The following OPCML variants were observed in gnomAD, a reference collection of about 807,000 sequenced individuals.
The protein encoded by OPCML is opioid binding protein/cell adhesion molecule like.
In OPCML, 13 loss-of-function variants were observed where a neutral mutation model predicts 37.8. The observed-to-expected ratio is 0.34, with a 90% CI of 0.22 to 0.55. The LOEUF (loss-of-function observed/expected upper bound fraction) is 0.55. Ranked by LOEUF, OPCML falls within the 20% of genes least tolerant of loss-of-function variation. OPCML has a pLI of 0.91. For synonymous variants in OPCML, 176 were observed against 168.8 expected (o/e 1.04, Z -0.33); for missense variants, 341 against 435.6 (o/e 0.78, Z 1.93).
chr11:133,191,082 G>T (rs916611446), intron 1 of OPCML, among the ~76,000 whole-genome samples: 2 of 151,794 alleles, frequency 1.3e-5, no homozygotes, highest in African/African-American at 4.8e-5. Flanking sequence ...GAAAACGGCT[G>T]TACCATTTTT....
intron 2 of OPCML, among the ~76,000 whole-genome samples, chr11:132,730,728 C>T (rs1381864970): frequency 6.6e-6 from 1 of 152,060 alleles, no homozygotes; most frequent in Non-Finnish European, 1.5e-5. Flanking sequence ...CAAACTAAGA[C>T]AGGCACAAGG....
intron 1 of OPCML, among the ~76,000 whole-genome samples, chr11:133,130,692 A>G (rs1055060211): frequency 2.6e-5 from 4 of 152,232 alleles, no homozygotes; most frequent in Admixed American, 6.5e-5. Flanking sequence ...TTCAAGACAT[A>G]CAAAGCTACA....
intron 2 of OPCML, among the ~76,000 whole-genome samples, chr11:132,747,404 G>A (rs1008433441): frequency 2.6e-5 from 4 of 152,172 alleles, no homozygotes; most frequent in Non-Finnish European, 4.4e-5. Context: ...GGAAACAGAT[G>A]TGAACGAAAG....
At chr11:132,917,730 C>T (rs7926798) in intron 2 of OPCML, among the ~76,000 whole-genome samples, 2 of 151,988 alleles carry the variant, frequency 1.3e-5, no homozygotes, top group Non-Finnish European at 2.9e-5. Context: ...ACCTGGGGAA[C>T]GCTCTGATTT....
intron 1 of OPCML, among the ~76,000 whole-genome samples, chr11:133,435,400 G>T (rs1370817072): frequency 2.0e-5 from 3 of 151,970 alleles, no homozygotes; most frequent in Non-Finnish European, 2.9e-5. Flanking sequence ...TTTGTTGAAA[G>T]AAGAAAAAAA....
intron 1 of OPCML, among the ~76,000 whole-genome samples, chr11:133,428,408 G>A (rs1946048793): frequency 6.6e-6 from 1 of 152,072 alleles, no homozygotes; most frequent in South Asian, 2.1e-4. Context: ...ATGAAAAGGG[G>A]ATAGAATTAT....
At chr11:133,087,512 C>T (rs1036048352) in intron 1 of OPCML, among the ~76,000 whole-genome samples, 1 of 152,106 alleles carries the variant, frequency 6.6e-6, no homozygotes, top group Non-Finnish European at 1.5e-5. Context: ...AATGAATAAG[C>T]ATTTTGAATG....
At chr11:133,324,109 G>T (rs1175047451) in intron 1 of OPCML, among the ~76,000 whole-genome samples, 1 of 152,112 alleles carries the variant, frequency 6.6e-6, no homozygotes, top group Non-Finnish European at 1.5e-5. Flanking sequence ...CCAAGCAGAA[G>T]GGGGAAGATT....
At chr11:133,022,522 C>T (rs1947473634) in intron 1 of OPCML, among the ~76,000 whole-genome samples, 1 of 151,742 alleles carries the variant, frequency 6.6e-6, no homozygotes, top group Admixed American at 6.6e-5. Context: ...ACCTCCCTCA[C>T]ACCCTCCCGT....
chr11:132,513,704 C>T (rs1215435523), intron 4 of OPCML, among the ~76,000 whole-genome samples: 1 of 152,138 alleles, frequency 6.6e-6, no homozygotes, highest in African/African-American at 2.4e-5. Context: ...TCTATGTTTA[C>T]AGCCAGATTA....
At chr11:132,725,961 C>T (rs561652882) in intron 2 of OPCML, among the ~76,000 whole-genome samples, 80 of 152,258 alleles carry the variant, frequency 5.3e-4, no homozygotes, top group African/African-American at 1.9e-3. Context: ...CTGAGACCAC[C>T]TCAGCCTGGA....
chr11:132,741,491 C>T (rs1450099798), intron 2 of OPCML, among the ~76,000 whole-genome samples: 2 of 152,030 alleles, frequency 1.3e-5, no homozygotes, highest in Non-Finnish European at 2.9e-5. Context: ...TCTTCTTCCA[C>T]AAAAGGATAG....
intron 1 of OPCML, among the ~76,000 whole-genome samples, chr11:133,419,764 A>T (rs1009171804): frequency 2.0e-5 from 3 of 152,198 alleles, no homozygotes; most frequent in Admixed American, 2.0e-4. Context: ...AATAATAGAG[A>T]TTAAACTTAA....
chr11:133,184,587 A>G (rs1349504022), intron 1 of OPCML, among the ~76,000 whole-genome samples: 1 of 152,142 alleles, frequency 6.6e-6, no homozygotes, highest in East Asian at 1.9e-4. Flanking sequence ...TTATCTACTC[A>G]TAAAAATCAC....
At chr11:132,464,420 G>A (rs2096113228) in intron 4 of OPCML, among the ~76,000 whole-genome samples, 1 of 152,098 alleles carries the variant, frequency 6.6e-6, no homozygotes, top group Non-Finnish European at 1.5e-5. Context: ...ACCGCCTCCA[G>A]CCTGGCCACT....
intron 1 of OPCML, among the ~76,000 whole-genome samples, chr11:133,037,770 C>A (rs1947808356): frequency 6.6e-6 from 1 of 152,200 alleles, no homozygotes; most frequent in Non-Finnish European, 1.5e-5. Flanking sequence ...GCAAGCTCAT[C>A]ATCTGTGCCA....
intron 1 of OPCML, among the ~76,000 whole-genome samples, chr11:133,502,178 G>A (rs1340173268): frequency 6.6e-6 from 1 of 152,174 alleles, no homozygotes; most frequent in African/African-American, 2.4e-5. Context: ...CTTGAGCCCT[G>A]TCTCAACAGC....
intron 4 of OPCML, among the ~76,000 whole-genome samples, chr11:132,504,899 T>C (rs543159810): frequency 9.9e-5 from 15 of 152,032 alleles, no homozygotes; most frequent in Non-Finnish European, 1.8e-4. Context: ...TCTACCCTCA[T>C]AGACTTTCTA....
intron 3 of OPCML, among the ~76,000 whole-genome samples, chr11:132,632,088 A>T (rs1464710198): frequency 6.6e-6 from 1 of 151,706 alleles, no homozygotes; most frequent in Non-Finnish European, 1.5e-5. Flanking sequence ...TGCCTGAAAG[A>T]GTCCCTCCTG....
Sources: allele counts gnomAD v4.1 joint callset (sites outside exome capture counted in the v4.1 genomes callset), GRCh38; gene constraint gnomAD v4.1.1; transcripts MANE v1.5; gene names NCBI Gene and HGNC (gene_info 2026-07-23, HGNC 2026-07-21).